Variants in UBE3B observed in about 807,000 individuals in gnomAD.
UBE3B encodes ubiquitin protein ligase E3B, also known as ubiquitin-protein ligase E3B.
In UBE3B, 80 loss-of-function variants were observed where a neutral mutation model predicts 132.3. That is an observed-to-expected ratio of 0.60 (90% CI 0.50 to 0.73). UBE3B has a LOEUF of 0.73. Among genes scored for constraint, UBE3B ranks in the 30% least tolerant of loss-of-function variants. The pLI is 0.00. For missense variants in UBE3B, 1,196 were observed against 1,362.5 expected, an observed-to-expected ratio of 0.88 and a Z score of 1.92; for synonymous variants, 487 against 520.4, an observed-to-expected ratio of 0.94 and a Z score of 0.87.
At position 109,488,750 on chromosome 12, in the gene UBE3B, A is replaced by AT. The variant is rs1178852926; in HGVS notation, c.544+87dup. 8 of 1,374,556 alleles carry AT rather than the reference A, an allele frequency of 5.8e-6. No homozygotes were observed. In the African/African-American group the frequency reaches 1.0e-4, roughly 17 times the overall value. The allele number at this position is 1,374,556 out of a possible 1,614,324, so 85.1% of individuals were successfully genotyped here. On this transcript the variant is annotated intron_variant, in intron 7 of 27. Transcript: ENST00000342494. ...GGACCTTTTTTCCTTTGTAAGAAGC[A>AT]TTTTTGCCACAAGCCTCAGGGAAGG...
the UBE3B span, among the ~76,000 whole-genome samples, chr12:109,547,575 T>C: frequency 1.3e-5 from 2 of 152,272 alleles, no homozygotes; most frequent in South Asian, 4.1e-4. This position sits in a 1 kb window ranked among gnomAD's most constrained non-coding sequence, Gnocchi z 4.1. Context: ...CAATTATAGG[T>C]TTAGCCACAT....
At position 109,488,490 on chromosome 12, in the gene UBE3B, A is replaced by C. The variant is rs1479064192; in HGVS notation, c.448-82A>C. On this transcript the variant is annotated intron_variant, in intron 6 of 27. Transcript: ENST00000342494. ...CTCAGTGATTCCAGGCTGAGTGCCC[A>C]TAGAGCAGTTGTAAAGTGAACACTT... 13 of 1,257,776 alleles carry C rather than the reference A, an allele frequency of 1.0e-5. No individual in the cohort carries two copies. In the Admixed American group the frequency reaches 2.2e-4, roughly 22 times the overall value. The allele number at this position is 1,257,776 out of a possible 1,614,324, so 77.9% of individuals were successfully genotyped here.
chr12:109,524,992 C>T (rs1592962410), intron 23 of UBE3B, among the ~76,000 whole-genome samples: 1 of 152,086 alleles, frequency 6.6e-6, no homozygotes, highest in Admixed American at 6.6e-5. Context: ...GCCTCCGCGC[C>T]CTTTGATTGT....
intron 5 of UBE3B, 65 bp from the exon 6 acceptor site, chr12:109,486,406 A>G (rs1026995110): frequency 4.5e-6 from 6 of 1,336,686 alleles, no homozygotes; most frequent in Non-Finnish European, 4.2e-6. Context: ...CAGTTCCAAC[A>G]GTTAGAGCAC....
intron 9 of UBE3B, chr12:109,492,002 T>C (rs1013519695): frequency 2.6e-5 from 4 of 152,180 alleles, no homozygotes; most frequent in African/African-American, 9.7e-5. Context: ...GGCTAGAGCA[T>C]GGGTTGGCCA....
At chr12:109,489,108 A>G (rs1280611603) in intron 7 of UBE3B, among the ~76,000 whole-genome samples, 1 of 152,204 alleles carries the variant, frequency 6.6e-6, no homozygotes, top group African/African-American at 2.4e-5. Flanking sequence ...CATCTGTTCA[A>G]CAAGTAGCCC....
At position 109,503,183 on chromosome 12, in the gene UBE3B, A is replaced by G. The variant is rs1879211751; in HGVS notation, c.1443A>G (p.Ile481Met). 6.2e-7 allele frequency: 1 copy of G among 1,613,966 alleles called. No homozygotes were observed. Among genetic ancestry groups the G allele is most frequent in the Non-Finnish European group, 8.5e-7 (1 of 1,179,918 alleles). ...LTTLTQIRLQ[I>M]LTGLTYLDDL... is the part of the protein sequence containing the mutation. ...CTCTCACACAGATTCGGCTGCAGAT[A>G]CTCACAGGTTCGCAGTCCCCAGGGC... Residue 481 changes from isoleucine (I) to methionine (M), a missense_variant, in exon 14 of 28, where the codon ATA becomes ATG. Coordinates refer to ENST00000342494, the MANE Select transcript of UBE3B (RefSeq NM_130466.4).
Position 109,536,459 on chromosome 12 carries a change from G to A in UBE3B, c.*1677G>A, listed in dbSNP as rs1617. The A allele has an allele frequency of 0.13, 19,216 of 150,946 alleles. 1,484 individuals carry two copies. Among genetic ancestry groups the A allele is most frequent in the Non-Finnish European group, 0.18 (11,969 of 67,772 alleles). 9.4% of individuals were successfully genotyped at this position (150,946 alleles called of 1,614,324 possible). A position where few individuals can be genotyped will look rare whatever the true frequency, so the allele number is the denominator to read the frequency against. On this transcript the variant is annotated 3_prime_UTR_variant, in exon 28 of 28. Transcript: ENST00000342494. ...GGGACTGGGAGAGAGTGATTTATAA[G>A]CACCAATATCAACTTCATGTGGATT...
the UBE3B span, among the ~76,000 whole-genome samples, chr12:109,545,363 G>A: frequency 1.3e-5 from 2 of 152,226 alleles, no homozygotes; most frequent in Non-Finnish European, 2.9e-5. Flanking sequence ...AGTTACAGCC[G>A]TGCACACGGT....
intron 2 of UBE3B, among the ~76,000 whole-genome samples, chr12:109,483,239 A>C (rs1319460772): frequency 6.6e-6 from 1 of 152,034 alleles, no homozygotes; most frequent in Non-Finnish European, 1.5e-5. Context: ...TTCTTTGTTC[A>C]TTCGTAAAGC....
At chr12:109,533,616 T>G (rs766286662) in intron 27 of UBE3B, 58 bp downstream of exon 27, 1 of 1,459,282 alleles carries the variant, frequency 6.9e-7, no homozygotes, top group Non-Finnish European at 9.5e-7. Context: ...GGTTGTCTGC[T>G]GTGCCCACTG....
chr12:109,498,465 C>A, intron 11 of UBE3B, 112 bp downstream of exon 11: 1 of 1,273,718 alleles, frequency 7.9e-7, no homozygotes, highest in Non-Finnish European at 1.1e-6. Flanking sequence ...ATTGGAAGTG[C>A]TTACAATAAA....
At chr12:109,526,595 G>C (rs189430695) in intron 24 of UBE3B, among the ~76,000 whole-genome samples, 179 bp downstream of exon 24, 1 of 152,168 alleles carries the variant, frequency 6.6e-6, no homozygotes, top group African/African-American at 2.4e-5. Context: ...ATTTGCGGCC[G>C]GGCACAGTGG....
intron 1 of UBE3B, among the ~76,000 whole-genome samples, chr12:109,480,698 G>C (rs1875232277): frequency 1.3e-5 from 2 of 151,738 alleles, no homozygotes; most frequent in Admixed American, 1.3e-4. Flanking sequence ...ATGTGGCAGA[G>C]CTAGGGACTG....
rs1280484394 is a variant in UBE3B at position 109,509,683 on chromosome 12, T to C, written c.1710T>C (p.Phe570=). 2.5e-6 allele frequency: 4 copies of C among 1,610,432 alleles called. No individual in the cohort carries two copies. In the Admixed American group the frequency reaches 6.8e-5, roughly 27 times the overall value. ...LVTISSFLNS[F]VFKMIWDGIV... ...CTATCTCCTCTTTCCTGAATTCTTTTGTGTTTAAGATGATCTGGGATGGAA... is the reference window on the plus strand; with the variant it reads ...CTATCTCCTCTTTCCTGAATTCTTTCGTGTTTAAGATGATCTGGGATGGAA... The change falls in exon 16 of 28, where the codon TTT becomes TTC. Residue 570 remains phenylalanine, a synonymous_variant. Transcript: ENST00000342494.
intron 15 of UBE3B, among the ~76,000 whole-genome samples, chr12:109,507,983 G>T (rs1372293025): frequency 1.3e-5 from 2 of 152,182 alleles, no homozygotes; most frequent in African/African-American, 2.4e-5. Flanking sequence ...ACTGGCTGTG[G>T]CTTGGGGTCT....
chr12:109,487,001 G>T (rs970766503), intron 6 of UBE3B, among the ~76,000 whole-genome samples: 2 of 152,148 alleles, frequency 1.3e-5, no homozygotes, highest in African/African-American at 4.8e-5. Context: ...GAGAGCTAGG[G>T]GGTTCTGATT....
At chr12:109,542,318 C>T in the UBE3B span, among the ~76,000 whole-genome samples, 1 of 152,186 alleles carries the variant, frequency 6.6e-6, no homozygotes, top group Non-Finnish European at 1.5e-5. Flanking sequence ...AACCTGTTTG[C>T]CATTTCCTGG....
chr12:109,546,069 A>G, the UBE3B span, among the ~76,000 whole-genome samples: 5 of 152,240 alleles, frequency 3.3e-5, no homozygotes, highest in African/African-American at 1.2e-4. Context: ...CAGAGTTGCA[A>G]GTGGGACAGA....
Sources: gnomAD v4.1 joint callset for allele counts (sites outside exome capture counted in the v4.1 genomes callset) on GRCh38, gnomAD v4.1.1 for gene constraint, Gnocchi (gnomAD v3.1) non-coding constraint, MANE v1.5 for transcripts, NCBI Gene and HGNC (gene_info 2026-07-23, HGNC 2026-07-21) for gene names.